Variants in HIP1 observed in about 807,000 individuals in gnomAD.
The protein encoded by HIP1 is huntingtin interacting protein 1.
Under a neutral mutation model 147.6 loss-of-function variants are expected in HIP1, and 65 were observed. The ratio of observed to expected loss-of-function variants is 0.44; its 90% confidence interval spans 0.36 to 0.54. The LOEUF (loss-of-function observed/expected upper bound fraction) is 0.54, where lower values mean the gene tolerates loss of function less well. Ranked by LOEUF, HIP1 falls within the 20% of genes least tolerant of loss-of-function variation. HIP1 has a pLI of 0.00. For synonymous variants in HIP1, 479 were observed against 504.0 expected, an observed-to-expected ratio of 0.95 and a Z score of 0.67; for missense variants, 1,061 against 1,299.6, an observed-to-expected ratio of 0.82 and a Z score of 2.82.
chr7:75,604,705 G>C (rs587673605), intron 1 of HIP1, among the ~76,000 whole-genome samples: 32 of 146,732 alleles, frequency 2.2e-4, no homozygotes, highest in African/African-American at 7.9e-4. Flanking sequence ...GGAAGGGAGG[G>C]AGGGAGGGAA....
At position 75,676,440 on chromosome 7, in the gene HIP1, C is replaced by T. The variant is rs540342870; in HGVS notation, c.120+62361G>A. ...CCTGGGCACACACGCAGCCAACACA[C>T]GCACATGGCCATCTGCACACCAGGA... On this transcript the variant is annotated intron_variant, in intron 1 of 30. Transcript: ENST00000336926. 5.3e-4 allele frequency among the ~76,000 whole-genome samples: 81 copies of T among 152,288 alleles called. 1 individual carries two copies. The East Asian group carries it at 5.6e-3, about 11-fold the overall frequency.
At chr7:75,606,200 G>A (rs1797217887) in intron 1 of HIP1, among the ~76,000 whole-genome samples, 1 of 152,128 alleles carries the variant, frequency 6.6e-6, no homozygotes, top group Non-Finnish European at 1.5e-5. Context: ...CAAAATGAAA[G>A]ATGTGAGAAT....
At chr7:75,555,351 C>T (rs1301581775) in intron 19 of HIP1, 65 bp downstream of exon 19, 1 of 1,591,624 alleles carries the variant, frequency 6.3e-7, no homozygotes, top group Non-Finnish European at 8.6e-7. Context: ...ACATGAGATT[C>T]AACATCAACA....
chr7:75,660,025 C>A (rs1463729964), intron 1 of HIP1, among the ~76,000 whole-genome samples: 1 of 151,604 alleles, frequency 6.6e-6, no homozygotes, highest in Admixed American at 6.6e-5. Context: ...ACTCGGGAGG[C>A]TGAGGCGGAA....
At chr7:75,633,344 G>A (rs1223461318) in intron 1 of HIP1, among the ~76,000 whole-genome samples, 3 of 152,056 alleles carry the variant, frequency 2.0e-5, no homozygotes, top group African/African-American at 7.2e-5. Context: ...CCAGGCTGGA[G>A]TGCAGTGGTG....
At chr7:75,737,514 T>C (rs571214160) in intron 1 of HIP1, among the ~76,000 whole-genome samples, 183 of 152,028 alleles carry the variant, frequency 1.2e-3, no homozygotes, top group African/African-American at 4.2e-3. Context: ...CCAGCTAATT[T>C]TTTGTATTTT....
At chr7:75,560,841 T>A (rs1274056381) in intron 13 of HIP1, among the ~76,000 whole-genome samples, 1 of 151,906 alleles carries the variant, frequency 6.6e-6, no homozygotes, top group African/African-American at 2.4e-5. Flanking sequence ...GTGATCCTCC[T>A]ACCTCAGCCT....
intron 7 of HIP1, among the ~76,000 whole-genome samples, chr7:75,579,930 G>C (rs1414793574): frequency 6.6e-6 from 1 of 152,158 alleles, no homozygotes; most frequent in Non-Finnish European, 1.5e-5. Flanking sequence ...GTCTCAGAAC[G>C]CTGGTGCTTA....
chr7:75,639,068 T>C (rs1798547744), intron 1 of HIP1: 1 of 984,366 alleles, frequency 1.0e-6, no homozygotes. Context: ...CTCACATCCA[T>C]GACCGAGGCT....
At chr7:75,578,305 C>T (rs1040187481) in intron 7 of HIP1, among the ~76,000 whole-genome samples, 6 of 152,184 alleles carry the variant, frequency 3.9e-5, no homozygotes, top group African/African-American at 1.4e-4. Context: ...CGAACTGCAA[C>T]TTCTAGGCTG....
intron 1 of HIP1, among the ~76,000 whole-genome samples, chr7:75,719,242 T>C (rs1167416894): frequency 6.6e-6 from 1 of 151,916 alleles, no homozygotes; most frequent in East Asian, 1.9e-4. Flanking sequence ...TGGTGGCTCA[T>C]GCTTATAATC....
intron 1 of HIP1, among the ~76,000 whole-genome samples, chr7:75,630,383 T>C (rs1256665453): frequency 3.4e-5 from 5 of 149,034 alleles, no homozygotes; most frequent in African/African-American, 1.2e-4. Flanking sequence ...CACTTGAGCC[T>C]GAGAGGTTTG....
chr7:75,634,816 T>G lies in HIP1; in HGVS notation c.121-35569A>C, dbSNP rs113802810. Among the ~76,000 whole-genome samples, 1,275 of 151,868 alleles carry G rather than the reference T, an allele frequency of 8.4e-3. 17 individuals are homozygous for G. The highest frequency in any genetic ancestry group is 0.044 in the Middle Eastern group (13 of 294). Reference sequence around the variant, plus strand: ...TTAGCCTCGCTTGGTGGCTCATGTCTGTGGTCCTAGCTACTCAGGAGGCAG... The same window carrying G: ...TTAGCCTCGCTTGGTGGCTCATGTCGGTGGTCCTAGCTACTCAGGAGGCAG... On this transcript the variant is annotated intron_variant, in intron 1 of 30. Coordinates refer to ENST00000336926, the MANE Select transcript of HIP1 (RefSeq NM_005338.7).
At chr7:75,566,375 G>C (rs1261121585) in intron 9 of HIP1, among the ~76,000 whole-genome samples, 3 of 151,524 alleles carry the variant, frequency 2.0e-5, no homozygotes, top group African/African-American at 7.4e-5. Context: ...CGGAGGTCCT[G>C]TTCCTTGCAG....
Position 75,586,756 on chromosome 7 carries a change from G to T in HIP1, c.462C>A (p.Thr154=). 1 of 1,606,028 alleles carries T rather than the reference G, an allele frequency of 6.2e-7. No individual in the cohort carries two copies. Among genetic ancestry groups the T allele is most frequent in the Non-Finnish European group, 8.5e-7 (1 of 1,172,912 alleles). Residue 154 remains threonine (T), a synonymous_variant, in exon 5 of 31, where the codon ACC becomes ACA. Coordinates refer to ENST00000336926, the MANE Select transcript of HIP1 (RefSeq NM_005338.7). ...KLLRTKMEYH[T]KNPRFPGNLQ... ...AGAACTGTCCGCAGAGACTCACTTT[G>T]GTGTGGTACTCCATCTTGGTTCTTA...
chr7:75,641,773 C>T (rs935317543), intron 1 of HIP1, among the ~76,000 whole-genome samples: 1 of 152,198 alleles, frequency 6.6e-6, no homozygotes, highest in Non-Finnish European at 1.5e-5. Context: ...GCCACTGTGC[C>T]TGACTGTTTT....
intron 1 of HIP1, chr7:75,611,598 G>T: frequency 2.3e-6 from 2 of 867,374 alleles, no homozygotes; most frequent in Non-Finnish European, 1.4e-6. Flanking sequence ...TTCCCGCCCC[G>T]CCACAGGCCA....
intron 1 of HIP1, among the ~76,000 whole-genome samples, chr7:75,638,642 A>T (rs1798525493): frequency 7.2e-6 from 1 of 138,544 alleles, no homozygotes; most frequent in Non-Finnish European, 1.6e-5. Flanking sequence ...CTCCCTGCCC[A>T]CGGGCTCAGC....
chr7:75,559,539 C>T (rs1202499867), intron 14 of HIP1, among the ~76,000 whole-genome samples, 193 bp downstream of exon 14: 2 of 152,180 alleles, frequency 1.3e-5, no homozygotes, highest in South Asian at 2.1e-4. Context: ...AGCGGTGCCT[C>T]GCACACAGCT....
Sources: allele counts gnomAD v4.1 joint callset (sites outside exome capture counted in the v4.1 genomes callset), GRCh38; gene constraint gnomAD v4.1.1; transcripts MANE v1.5; gene names NCBI Gene and HGNC (gene_info 2026-07-23, HGNC 2026-07-21).